The following ANXA1 variants were observed in gnomAD, a reference collection of about 807,000 sequenced individuals.
The protein encoded by ANXA1 is annexin I (lipocortin I).
In ANXA1, 39 loss-of-function variants were observed where a neutral mutation model predicts 47.9. The observed-to-expected ratio is 0.81, with a 90% CI of 0.63 to 1.06. The LOEUF is 1.06. ANXA1 is among the 50% of genes least tolerant of loss of function. The probability of loss-of-function intolerance (pLI) is 0.00; values close to 1 mark genes in which losing one functional copy is unlikely to be tolerated. For synonymous variants in ANXA1, 146 were observed against 142.5 expected (o/e 1.02, Z -0.17); for missense variants, 446 against 422.7 (o/e 1.06, Z -0.48).
chr9:73,162,894 G>C (rs771851560), intron 7 of ANXA1, 33 bp downstream of exon 7: 1 of 1,514,266 alleles, frequency 6.6e-7, no homozygotes, highest in Non-Finnish European at 9.2e-7. Flanking sequence ...AATGCCTCTT[G>C]TTTTATAAAG....
intron 1 of ANXA1, chr9:73,154,108 C>T (rs1824010688): frequency 2.7e-5 from 9 of 330,142 alleles, no homozygotes; most frequent in South Asian, 2.1e-4. Flanking sequence ...ATCGAAAAGC[C>T]TGGAAGCAAA....
intron 1 of ANXA1, among the ~76,000 whole-genome samples, chr9:73,155,013 C>T (rs1018884810): frequency 1.6e-4 from 25 of 152,064 alleles, no homozygotes; most frequent in African/African-American, 6.0e-4. Context: ...TTTCATGAGG[C>T]TGAGAGATGG....
At chr9:73,161,128 G>T (rs372651670) in intron 6 of ANXA1, among the ~76,000 whole-genome samples, 18 of 152,206 alleles carry the variant, frequency 1.2e-4, no homozygotes, top group Non-Finnish European at 1.6e-4. Context: ...CGTTTTAATA[G>T]AAAATGTTCC....
At chr9:73,161,846 T>C (rs1228098909) in intron 6 of ANXA1, among the ~76,000 whole-genome samples, 2 of 152,206 alleles carry the variant, frequency 1.3e-5, no homozygotes, top group Admixed American at 1.3e-4. Context: ...GGCCAAGATA[T>C]AGGCCAGTGA....
intron 9 of ANXA1, 93 bp from the exon 10 acceptor site, chr9:73,166,003 TA>T: frequency 1.2e-6 from 1 of 857,510 alleles, no homozygotes. Context: ...GTTGTTATTC[TA>T]AAAAATTCTT....
intron 1 of ANXA1, chr9:73,154,198 G>A (rs1588215858): frequency 4.3e-6 from 3 of 703,412 alleles, no homozygotes; most frequent in Admixed American, 2.8e-5. Context: ...CTCTCACCAG[G>A]GAAGGTGTGG....
Position 73,166,096 on chromosome 9 carries a change from G to C in ANXA1, c.707-1G>C. On this transcript the variant is annotated splice_acceptor_variant, in intron 9 of 12. Transcript: ENST00000257497. LOFTEE classifies it high-confidence loss of function. Reference sequence around the variant, plus strand: ...TATCTTAGTTTGAATTTAATATTCAGTGTTTCAGAAATACACCAAGTACAG... The same window carrying C: ...TATCTTAGTTTGAATTTAATATTCACTGTTTCAGAAATACACCAAGTACAG... 1 of 1,597,732 alleles carries C rather than the reference G, an allele frequency of 6.3e-7. No individual in the cohort carries two copies.
In ANXA1 at chr9:73,166,088, A is replaced by C. The variant is rs749513198; in HGVS notation, c.707-9A>C. On this transcript the variant is annotated splice_polypyrimidine_tract_variant and intron_variant, in intron 9 of 12. Coordinates refer to ENST00000257497, the MANE Select transcript of ANXA1 (RefSeq NM_000700.3). ...TTTGCATGTATCTTAGTTTGAATTT[A>C]ATATTCAGTGTTTCAGAAATACACC... 1.3e-6 allele frequency: 2 copies of C among 1,588,934 alleles called. No individual in the cohort carries two copies. The highest frequency in any genetic ancestry group is 1.1e-5 in the South Asian group (1 of 87,456).
In ANXA1 at chr9:73,158,542, A is replaced by G. The variant is rs753950463; in HGVS notation, c.7A>G (p.Met3Val). MAMVSEFLKQAWF... is the reference protein window; with the variant it reads MAVVSEFLKQAWF... ...TCCAGACACTTTTTCAAAAATGGCAATGGTATCAGAATTCCTCAAGCAGGC... is the reference window on the plus strand; with the variant it reads ...TCCAGACACTTTTTCAAAAATGGCAGTGGTATCAGAATTCCTCAAGCAGGC... The change falls in exon 2 of 13, where the codon ATG becomes GTG. Residue 3 changes from methionine (M) to valine (V), a missense_variant. Coordinates refer to ENST00000257497, the MANE Select transcript of ANXA1 (RefSeq NM_000700.3). 1.9e-6 allele frequency: 3 copies of G among 1,613,634 alleles called. No individual in the cohort carries two copies. The highest frequency in any genetic ancestry group is 2.2e-5 in the East Asian group (1 of 44,856).
chr9:73,158,728 T>C lies in ANXA1; in HGVS notation c.100T>C (p.Ser34Pro), dbSNP rs1372872757. The C allele has an allele frequency of 6.2e-7, 1 of 1,613,802 alleles. No homozygotes were observed. Among genetic ancestry groups the C allele is most frequent in the African/African-American group, 1.3e-5 (1 of 74,902 alleles). Residue 34 changes from serine to proline, a missense_variant, in exon 3 of 13, where the codon TCA (serine) becomes CCA (proline). Ser to Pro is a moderately conservative substitution (Grantham distance 74, BLOSUM62 -1). Coordinates refer to ENST00000257497, the MANE Select transcript of ANXA1 (RefSeq NM_000700.3). ...GAAGTCATCCAAAGGTGGTCCCGGA[T>C]CAGCGGTGAGCCCCTATCCTACCTT... The part of the protein sequence containing the change: ...TVKSSKGGPG[S>P]AVSPYPTFNP...
At position 73,156,148 on chromosome 9, in the gene ANXA1, TATAA is replaced by T. The variant is rs995474223; in HGVS notation, c.-14-2352_-14-2349del. On this transcript the variant is annotated intron_variant, in intron 1 of 12. Coordinates refer to ENST00000257497, the MANE Select transcript of ANXA1 (RefSeq NM_000700.3). ...ATAAATAAATAATAATAATAAATAA[TATAA>T]ATAAATAAATAAATAAATAAAATAA... 5.1e-3 allele frequency among the ~76,000 whole-genome samples: 486 copies of T among 95,496 alleles called. 2 individuals are homozygous for T. The highest frequency in any genetic ancestry group is 0.028 in the African/African-American group (387 of 13,998). 62.6% of individuals were successfully genotyped at this position (95,496 alleles called of 152,430 possible).
intron 1 of ANXA1, among the ~76,000 whole-genome samples, chr9:73,155,065 CA>C (rs971442808): frequency 1.3e-5 from 2 of 151,916 alleles, no homozygotes; most frequent in Non-Finnish European, 2.9e-5. Flanking sequence ...CATAAATATG[CA>C]AAAAAATTGC....
chr9:73,159,626 G>T (rs1338342562), intron 4 of ANXA1: 1 of 418,988 alleles, frequency 2.4e-6, no homozygotes. Context: ...TAGTCATCTT[G>T]GTGTATATTG....
rs1824179172 is a variant in ANXA1 at position 73,163,532 on chromosome 9, G to A, written c.612G>A (p.Arg204=). Residue 204 remains arginine, a splice_region_variant and synonymous_variant, in exon 8 of 13, where the codon AGG becomes AGA. Coordinates refer to ENST00000257497, the MANE Select transcript of ANXA1 (RefSeq NM_000700.3). ...VNEDLADSDA[R]ALYEAGERRK... ...AAGACTTGGCTGATTCAGATGCCAG[G>A]GTAAGGAAGTGCTTACAAAATACTG... 1.2e-6 allele frequency: 2 copies of A among 1,612,454 alleles called. No individual in the cohort carries two copies. The highest frequency in any genetic ancestry group is 2.7e-5 in the African/African-American group (2 of 74,788).
chr9:73,165,248 AG>A, intron 9 of ANXA1, 39 bp downstream of exon 9: 1 of 1,540,958 alleles, frequency 6.5e-7, no homozygotes, highest in Non-Finnish European at 8.9e-7. Context: ...TGTTTATGGA[AG>A]ATGCAATTTT....
At chr9:73,154,295 C>T (rs1824013970) in intron 1 of ANXA1, 1 of 1,365,846 alleles carries the variant, frequency 7.3e-7, no homozygotes. Context: ...GGGGTGAAAC[C>T]TGCTACGGTC....
At chr9:73,162,920 C>T in intron 7 of ANXA1, 59 bp downstream of exon 7, 1 of 1,367,130 alleles carries the variant, frequency 7.3e-7, no homozygotes, top group South Asian at 1.2e-5. Flanking sequence ...TTTCTTAGTC[C>T]ATTTTGTGTT....
chr9:73,169,708 C>A (rs1309609607), intron 12 of ANXA1, among the ~76,000 whole-genome samples: 4 of 152,184 alleles, frequency 2.6e-5, no homozygotes, highest in Middle Eastern at 3.4e-3. Flanking sequence ...CTATACATTT[C>A]TCTTCTTCTG....
intron 6 of ANXA1, among the ~76,000 whole-genome samples, chr9:73,161,620 A>T (rs921599421): frequency 1.1e-4 from 16 of 152,112 alleles, no homozygotes; most frequent in Admixed American, 4.6e-4. Flanking sequence ...CTTGATTCTC[A>T]TACCAAGCAT....
Sources: allele counts gnomAD v4.1 joint callset (sites outside exome capture counted in the v4.1 genomes callset), GRCh38; gene constraint gnomAD v4.1.1; transcripts MANE v1.5; gene names NCBI Gene and HGNC (gene_info 2026-07-23, HGNC 2026-07-21).